The following SV2B variants were observed in gnomAD, a reference collection of about 807,000 sequenced individuals.
The protein encoded by SV2B is synaptic vesicle glycoprotein 2B.
SV2B carries 41 observed loss-of-function variants against 73.9 expected under a neutral mutation model. That is an observed-to-expected ratio of 0.56 (90% CI 0.43 to 0.72). The LOEUF is 0.72. Ranked by LOEUF, SV2B falls within the 30% of genes least tolerant of loss-of-function variation. SV2B has a pLI of 0.00. For missense variants in SV2B, 764 were observed against 857.8 expected, an observed-to-expected ratio of 0.89 and a Z score of 1.37; for synonymous variants, 314 against 314.2, an observed-to-expected ratio of 1.00 and a Z score of 0.01.
chr15:91,107,323 T>TTATTTATC (rs2041912290), intron 1 of SV2B, among the ~76,000 whole-genome samples: 1 of 152,008 alleles, frequency 6.6e-6, no homozygotes, highest in Non-Finnish European at 1.5e-5. Flanking sequence ...ATTTATTTAT[T>TTATTTATC]TATTTTTTGA....
chr15:91,221,569 C>T (rs959369312), intron 1 of SV2B, among the ~76,000 whole-genome samples: 49 of 152,122 alleles, frequency 3.2e-4, no homozygotes, highest in African/African-American at 1.2e-3. Context: ...CTTTCCTTCT[C>T]ACCTGATAGG....
At chr15:91,144,412 A>C (rs1044489368) in intron 1 of SV2B, among the ~76,000 whole-genome samples, 2 of 145,896 alleles carry the variant, frequency 1.4e-5, no homozygotes, top group African/African-American at 4.9e-5. Flanking sequence ...TGAAACATTC[A>C]TGATTTTTTT....
At position 91,110,121 on chromosome 15, in the gene SV2B, C is replaced by T. The variant is rs2041997630; in HGVS notation, c.-392+9758C>T. 1.3e-5 allele frequency among the ~76,000 whole-genome samples: 2 copies of T among 152,176 alleles called. No homozygotes were observed. Among genetic ancestry groups the T allele is most frequent in the South Asian group, 2.1e-4 (1 of 4,828 alleles). On this transcript the variant is annotated intron_variant, in intron 1 of 12. Coordinates refer to ENST00000394232, the MANE Select transcript of SV2B (RefSeq NM_001323032.3). This position sits in a 1 kb window ranked among gnomAD's most constrained non-coding sequence, Gnocchi z 5.4. The stretch of plus-strand genomic sequence containing the variant: ...GAGTAATGATGGACAGCTCATTTAT[C>T]CATTAACGTGTTCTGTTCCTTCTTC...
chr15:91,116,261 T>C (rs538731395), intron 1 of SV2B, among the ~76,000 whole-genome samples: 1 of 152,162 alleles, frequency 6.6e-6, no homozygotes, highest in African/African-American at 2.4e-5. Flanking sequence ...CAGGAGGGAG[T>C]GGGTGGCCTT....
chr15:91,110,417 G>A lies in SV2B; in HGVS notation c.-392+10054G>A, dbSNP rs1214753080. Among the ~76,000 whole-genome samples, 1 of 152,190 alleles carries A rather than the reference G, an allele frequency of 6.6e-6. No individual in the cohort carries two copies. The highest frequency in any genetic ancestry group is 2.4e-5 in the African/African-American group (1 of 41,444). ...GTTCTCCCAAGCAGGTGAGAGCCTGGTTAGGCCCCTCAACAGCCTCCTCTG... is the reference window on the plus strand; with the variant it reads ...GTTCTCCCAAGCAGGTGAGAGCCTGATTAGGCCCCTCAACAGCCTCCTCTG... On this transcript the variant is annotated intron_variant, in intron 1 of 12. Coordinates refer to ENST00000394232, the MANE Select transcript of SV2B (RefSeq NM_001323032.3). The surrounding 1 kb of genome is among the most constrained non-coding windows in gnomAD (Gnocchi z 5.4).
chr15:91,284,255 A>G lies in SV2B; in HGVS notation c.1708+34A>G, dbSNP rs115104130. ...CCAGCAGGGTCATTCCTGGGTTCCA[A>G]CGCGCTGGGGTGGTGACTTTCAAGT... On this transcript the variant is annotated intron_variant, in intron 11 of 12. Coordinates refer to ENST00000394232, the MANE Select transcript of SV2B (RefSeq NM_001323032.3). The surrounding 1 kb of genome is among the most constrained non-coding windows in gnomAD (Gnocchi z 4.5). 8,796 of 1,609,900 alleles carry G rather than the reference A, an allele frequency of 5.5e-3. 335 individuals carry two copies. In the African/African-American group the frequency reaches 0.095, roughly 17 times the overall value.
intron 1 of SV2B, among the ~76,000 whole-genome samples, chr15:91,191,935 C>T (rs147252210): frequency 0.011 from 1,631 of 152,186 alleles, 28 homozygotes; most frequent in African/African-American, 0.035. Context: ...CCACTGGATA[C>T]GTTAAATTTT....
chr15:91,222,745 T>C (rs906303232), intron 1 of SV2B, among the ~76,000 whole-genome samples: 3 of 152,204 alleles, frequency 2.0e-5, no homozygotes, highest in Non-Finnish European at 4.4e-5. Context: ...TTGGGCACAT[T>C]TTTCAATCTT....
At position 91,296,209 on chromosome 15, in the gene SV2B, G is replaced by A. The variant is rs999763502; in HGVS notation, c.*3657G>A. On this transcript the variant is annotated 3_prime_UTR_variant, in exon 13 of 13. Transcript: ENST00000394232. ...GAATGCAAGAGGGACATTGGTGAGTGGGGTAAGAATCCCCGTAGCCCTGGG... is the reference window on the plus strand; with the variant it reads ...GAATGCAAGAGGGACATTGGTGAGTAGGGTAAGAATCCCCGTAGCCCTGGG... 6.6e-6 allele frequency: 1 copy of A among 152,210 alleles called. No individual in the cohort carries two copies. The highest frequency in any genetic ancestry group is 2.4e-5 in the African/African-American group (1 of 41,434). 9.4% of individuals were successfully genotyped at this position (152,210 alleles called of 1,614,324 possible). A position where few individuals can be genotyped will look rare whatever the true frequency, so the allele number is the denominator to read the frequency against.
At chr15:91,142,743 ACCAAGGTGT>A (rs2043033180) in intron 1 of SV2B, among the ~76,000 whole-genome samples, 1 of 152,236 alleles carries the variant, frequency 6.6e-6, no homozygotes, top group South Asian at 2.1e-4. Context: ...CCAGGATCCA[ACCAAGGTGT>A]GGTTTAAAAA....
chr15:91,235,202 T>A (rs536205047), intron 2 of SV2B, among the ~76,000 whole-genome samples: 60 of 152,316 alleles, frequency 3.9e-4, no homozygotes, highest in African/African-American at 1.4e-3. Flanking sequence ...TAGAAGCCAT[T>A]TGAGTGTTTT....
At chr15:91,195,538 T>A (rs926897413) in intron 1 of SV2B, among the ~76,000 whole-genome samples, 1 of 152,188 alleles carries the variant, frequency 6.6e-6, no homozygotes, top group Non-Finnish European at 1.5e-5. Context: ...TGCAACTTCC[T>A]AGGGTTGTTG....
rs1181662974 is a variant in SV2B, at chr15:91,302,161, A to G, written c.*9609A>G. Among the ~76,000 whole-genome samples the G allele has an allele frequency of 6.6e-6, 1 of 152,262 alleles. No homozygotes were observed. Among genetic ancestry groups the G allele is most frequent in the Non-Finnish European group, 1.5e-5 (1 of 68,054 alleles). On this transcript the variant is annotated 3_prime_UTR_variant, in exon 13 of 13. Coordinates refer to ENST00000394232, the MANE Select transcript of SV2B (RefSeq NM_001323032.3). The stretch of plus-strand genomic sequence containing the variant: ...GTGACTAACACAGTATTTGATACGT[A>G]GTAGGTCTCAATAGATGATGAATAG...
chr15:91,216,481 TTTG>T (rs1293091260), intron 1 of SV2B, among the ~76,000 whole-genome samples: 11 of 151,798 alleles, frequency 7.2e-5, no homozygotes, highest in African/African-American at 2.7e-4. Context: ...TTTTTGTTTT[TTTG>T]TTTTTTGAGA....
In SV2B at chr15:91,231,572, G is replaced by C. The variant is rs1386891355; in HGVS notation, c.451+4858G>C. Among the ~76,000 whole-genome samples, 1 of 152,160 alleles carries C rather than the reference G, an allele frequency of 6.6e-6. No homozygotes were observed. The highest frequency in any genetic ancestry group is 2.4e-5 in the African/African-American group (1 of 41,450). ...TATAGGATGACAATATTGGCGACAC[G>C]TAAGGCAAACCAACCCCATCCTTTT... On this transcript the variant is annotated intron_variant, in intron 2 of 12. Transcript: ENST00000394232. The surrounding 1 kb of genome is among the most constrained non-coding windows in gnomAD (Gnocchi z 4.5).
rs766752349 is a variant in SV2B at position 91,195,260 on chromosome 15, C to A, written c.-391-30613C>A. ...GCAGCCTTGACCTCCCAGGCTCAAG[C>A]GATTCTCCCACCTCAGCCTCCCGAT... On this transcript the variant is annotated intron_variant, in intron 1 of 12. Transcript: ENST00000394232. Among the ~76,000 whole-genome samples, 4 of 152,240 alleles carry A rather than the reference C, an allele frequency of 2.6e-5. No individual in the cohort carries two copies. In the South Asian group the frequency reaches 6.2e-4, roughly 24 times the overall value.
Position 91,277,804 on chromosome 15 carries a change from T to A in SV2B, c.1374-3924T>A, listed in dbSNP as rs550785245. The stretch of plus-strand genomic sequence containing the variant: ...ATATTTATATATGAATTTGTTCTAC[T>A]ATTTTTCTCTTGCTAATTTAATGTT... On this transcript the variant is annotated intron_variant, in intron 9 of 12. Transcript: ENST00000394232. Among the ~76,000 whole-genome samples, 6 of 152,376 alleles carry A rather than the reference T, an allele frequency of 3.9e-5. No individual in the cohort carries two copies. The East Asian group carries it at 1.2e-3, about 29-fold the overall frequency.
chr15:91,166,866 T>C (rs539557905), intron 1 of SV2B, among the ~76,000 whole-genome samples: 1 of 151,498 alleles, frequency 6.6e-6, no homozygotes, highest in East Asian at 1.9e-4. Context: ...CAGGCTGGAG[T>C]GCAGTGGTGC....
At chr15:91,177,091 G>A (rs954259731) in intron 1 of SV2B, among the ~76,000 whole-genome samples, 11 of 149,254 alleles carry the variant, frequency 7.4e-5, no homozygotes, top group African/African-American at 2.5e-4. Flanking sequence ...AAGGGATCCA[G>A]TTTCAGCTTT....
Sources: gnomAD v4.1 joint callset for allele counts (sites outside exome capture counted in the v4.1 genomes callset) on GRCh38, gnomAD v4.1.1 for gene constraint, Gnocchi (gnomAD v3.1) non-coding constraint, MANE v1.5 for transcripts, NCBI Gene and HGNC (gene_info 2026-07-23, HGNC 2026-07-21) for gene names.